The following CIRBP variants were observed in gnomAD, a reference collection of about 807,000 sequenced individuals.
CIRBP encodes cold-inducible RNA-binding protein.
CIRBP carries 11 observed loss-of-function variants against 22.3 expected under a neutral mutation model. That is an observed-to-expected ratio of 0.49 (90% CI 0.31 to 0.82). The LOEUF (loss-of-function observed/expected upper bound fraction) is 0.82, where lower values mean the gene tolerates loss of function less well. Ranked by LOEUF, CIRBP falls within the 40% of genes least tolerant of loss-of-function variation. The pLI, the probability that CIRBP is intolerant of heterozygous loss-of-function variation, is 0.05. For missense variants in CIRBP, 456 were observed against 402.7 expected (o/e 1.13, Z -1.13); for synonymous variants, 216 against 158.8 (o/e 1.36, Z -2.71).
At position 1,272,373 on chromosome 19, in the gene CIRBP, A is replaced by T; in HGVS notation, c.824A>T (p.Lys275Met). The change falls in exon 6 of 6, where the codon AAG becomes ATG. Residue 275 changes from lysine to methionine, a missense_variant. Coordinates refer to ENST00000587896, the MANE Select transcript of CIRBP (RefSeq NM_001300829.2). Reference sequence around the variant, plus strand: ...CGCCCTGGTCTGGCCTCTGGGGTGAAGCTGCCTCTTGTTGCTTCGGTGCCT... The same window carrying T: ...CGCCCTGGTCTGGCCTCTGGGGTGATGCTGCCTCTTGTTGCTTCGGTGCCT... ...RPRPGLASGVKLPLVASVPLH... is the reference protein window; with the variant it reads ...RPRPGLASGVMLPLVASVPLH... The T allele has an allele frequency of 6.2e-7, 1 of 1,604,900 alleles. No individual in the cohort carries two copies. The highest frequency in any genetic ancestry group is 8.5e-7 in the Non-Finnish European group (1 of 1,176,188).
rs756183259 is a variant in CIRBP, at chr19:1,271,420, G to A, written c.302G>A (p.Arg101Gln). Reference sequence around the variant, plus strand: ...TACCGTGGTGGCTCTGCCGGGGGCCGGGGCTTCTTCCGTGGGGGCCGAGGA... The same window carrying A: ...TACCGTGGTGGCTCTGCCGGGGGCCAGGGCTTCTTCCGTGGGGGCCGAGGA... The part of the protein sequence containing the change: ...RGYRGGSAGG[R>Q]GFFRGGRGRG... The change falls in exon 4 of 6, where the codon CGG (arginine) becomes CAG (glutamine). Residue 101 changes from arginine (R) to glutamine (Q), a missense_variant. This residue lies in a region of CIRBP where 426 missense variants were observed against 339.6 expected (regional missense o/e 1.25). Coordinates refer to ENST00000587896, the MANE Select transcript of CIRBP (RefSeq NM_001300829.2). 18 of 1,613,102 alleles carry A rather than the reference G, an allele frequency of 1.1e-5. No homozygotes were observed. The highest frequency in any genetic ancestry group is 1.4e-5 in the Non-Finnish European group (17 of 1,179,690).
chr19:1,270,084 TCTC>T lies in CIRBP; in HGVS notation c.-7+677_-7+679del, dbSNP rs557394984. The T allele has an allele frequency of 3.5e-3, 1,808 of 519,782 alleles. 4 individuals carry two copies. Among genetic ancestry groups the T allele is most frequent in the Non-Finnish European group, 5.8e-3 (1,495 of 259,782 alleles). The allele number at this position is 519,782 out of a possible 1,614,324, so 32.2% of individuals were successfully genotyped here. A position where few individuals can be genotyped will look rare whatever the true frequency, so the allele number is the denominator to read the frequency against. On this transcript the variant is annotated intron_variant, in intron 1 of 5. Coordinates refer to ENST00000587896, the MANE Select transcript of CIRBP (RefSeq NM_001300829.2). ...CTGACCGCCCCCTTAAATAGCCAGT[TCTC>T]CTAAATGCCACTTCCCCTGCCTGGA...
intron 5 of CIRBP, 60 bp from the exon 6 acceptor site, chr19:1,271,921 T>C (rs933349964): frequency 2.1e-6 from 3 of 1,457,678 alleles, no homozygotes; most frequent in Non-Finnish European, 2.8e-6. Flanking sequence ...GCTCAGCCTG[T>C]TGTGGCAGAG....
rs1227026955 is a variant in CIRBP, at chr19:1,274,288, C to T, written c.*1845C>T. The T allele has an allele frequency of 2.5e-6, 1 of 401,338 alleles. No individual in the cohort carries two copies. The highest frequency in any genetic ancestry group is 4.4e-6 in the Non-Finnish European group (1 of 226,454). The allele number at this position is 401,338 out of a possible 1,614,324, so 24.9% of individuals were successfully genotyped here. On this transcript the variant is annotated 3_prime_UTR_variant, in exon 6 of 6. Coordinates refer to ENST00000587896, the MANE Select transcript of CIRBP (RefSeq NM_001300829.2). ...GCCCTGTGGAGGACGTTGGGAGTAA[C>T]GCTGCTTTGCTTTGGCAGGTTGAAG...
rs865806463 is a variant in CIRBP, at chr19:1,269,887, C to T, written c.-7+477C>T. Reference sequence around the variant, plus strand: ...TGAGGGAAAGGACGGCCTCGTAAATCTTGGGTAGGCGTGGCCCGTTCTAGT... The same window carrying T: ...TGAGGGAAAGGACGGCCTCGTAAATTTTGGGTAGGCGTGGCCCGTTCTAGT... On this transcript the variant is annotated intron_variant, in intron 1 of 5. Transcript: ENST00000587896. 5.6e-5 allele frequency: 29 copies of T among 519,784 alleles called. 1 individual carries two copies. Among genetic ancestry groups the T allele is most frequent in the South Asian group, 3.5e-4 (25 of 71,574 alleles). The allele number at this position is 519,784 out of a possible 1,614,324, so 32.2% of individuals were successfully genotyped here.
At chr19:1,270,597 A>G (rs2081322779) in intron 1 of CIRBP, among the ~76,000 whole-genome samples, 3 of 151,950 alleles carry the variant, frequency 2.0e-5, no homozygotes, top group African/African-American at 4.8e-5. Flanking sequence ...GCAAGACCCC[A>G]TCTCTACTAA....
At chr19:1,270,293 C>T (rs935230091) in intron 1 of CIRBP, 12 of 363,014 alleles carry the variant, frequency 3.3e-5, no homozygotes, top group Non-Finnish European at 3.9e-5. Flanking sequence ...GGTCCAGCAA[C>T]AAGTAGATGT....
At chr19:1,271,910 G>A (rs972683691) in intron 5 of CIRBP, 71 bp from the exon 6 acceptor site, 11 of 1,368,174 alleles carry the variant, frequency 8.0e-6, no homozygotes, top group African/African-American at 7.1e-5. Context: ...GGGGGCTGGC[G>A]GCTCAGCCTG....
At position 1,272,145 on chromosome 19, in the gene CIRBP, T is replaced by C. The variant is rs1183886983; in HGVS notation, c.596T>C (p.Leu199Pro). ...TCTCCAAGCACTTTAGGCTGGACAC[T>C]CAGACCTTGTCACTGTGCTTGCCCA... ...VPSPSTLGWT[L>P]RPCHCACPEE... Residue 199 changes from leucine to proline, a missense_variant, in exon 6 of 6, where the codon CTC becomes CCC. Transcript: ENST00000587896. 1.9e-6 allele frequency: 3 copies of C among 1,611,754 alleles called. No homozygotes were observed. The South Asian group carries it at 3.3e-5, about 18-fold the overall frequency.
Position 1,271,168 on chromosome 19 carries a change from G to A in CIRBP, c.132G>A (p.Gln44=), listed in dbSNP as rs760768957. 6.2e-7 allele frequency: 1 copy of A among 1,613,988 alleles called. No individual in the cohort carries two copies. Among genetic ancestry groups the A allele is most frequent in the African/African-American group, 1.3e-5 (1 of 74,948 alleles). The part of the protein sequence containing the change: ...EVVVVKDRET[Q]RSRGFGFVTF... ...TGGTTGTGAAAGACAGGGAGACCCA[G>A]AGATCTCGGGGATTTGGGTTTGTCA... The change falls in exon 3 of 6, where the codon CAG becomes CAA. Residue 44 remains glutamine, a synonymous_variant. Transcript: ENST00000587896.
chr19:1,271,936 A>G, intron 5 of CIRBP, 45 bp from the exon 6 acceptor site: 3 of 1,540,206 alleles, frequency 1.9e-6, no homozygotes, highest in Non-Finnish European at 2.7e-6. Context: ...GCAGAGCAGA[A>G]GTAGACGGGT....
At position 1,274,245 on chromosome 19, in the gene CIRBP, C is replaced by T. The variant is rs142436314; in HGVS notation, c.*1802C>T. ...GGGCTGTGGCTGTTTCCGGGGAGGC[C>T]GGGAGGGGCAGCTGTGAGCCCTGTG... is the stretch of plus-strand genomic sequence containing the variant. On this transcript the variant is annotated 3_prime_UTR_variant, in exon 6 of 6. Transcript: ENST00000587896. 1,485 of 400,800 alleles carry T rather than the reference C, an allele frequency of 3.7e-3. 17 individuals are homozygous for T. The highest frequency in any genetic ancestry group is 0.028 in the African/African-American group (1,346 of 48,772). 24.8% of individuals were successfully genotyped at this position (400,800 alleles called of 1,614,324 possible). A position where few individuals can be genotyped will look rare whatever the true frequency, so the allele number is the denominator to read the frequency against.
At chr19:1,269,643 C>G (rs2081299205) in intron 1 of CIRBP, among the ~76,000 whole-genome samples, 1 of 151,894 alleles carries the variant, frequency 6.6e-6, no homozygotes, top group Non-Finnish European at 1.5e-5. Flanking sequence ...ATGGCGGCCG[C>G]GAGCTCGAGG....
chr19:1,274,554 C>A lies in CIRBP; in HGVS notation c.*2111C>A, dbSNP rs1286302113. The A allele has an allele frequency of 1.9e-5, 7 of 362,442 alleles. No homozygotes were observed. Among genetic ancestry groups the A allele is most frequent in the Non-Finnish European group, 3.4e-5 (7 of 203,528 alleles). The allele number at this position is 362,442 out of a possible 1,614,324, so 22.5% of individuals were successfully genotyped here. On this transcript the variant is annotated 3_prime_UTR_variant, in exon 6 of 6. Transcript: ENST00000587896. ...CTATGGCCCCATGGCGGGCGCCTTTCGGTGTGTGTTGGGTGCAGGGCAGCG... is the reference window on the plus strand; with the variant it reads ...CTATGGCCCCATGGCGGGCGCCTTTAGGTGTGTGTTGGGTGCAGGGCAGCG...
At chr19:1,271,075 G>T in intron 2 of CIRBP, 39 bp downstream of exon 2, 3 of 1,610,078 alleles carry the variant, frequency 1.9e-6, no homozygotes, top group Admixed American at 1.7e-5. Context: ...GGGCGGGGGG[G>T]CTTGTGCTCC....
rs2081392308 is a variant in CIRBP, at chr19:1,274,604, G to GCGCCTGTTCTCCCTCC, written c.*2162_*2163insGCCTGTTCTCCCTCCC. ...GCCTCCCGGGAGCGCCGGGTCCCCC[G>GCGCCTGTTCTCCCTCC]CCTGGAGCCCGCGCCTGTTCTCCCT... On this transcript the variant is annotated 3_prime_UTR_variant, in exon 6 of 6. Transcript: ENST00000587896. 3.4e-6 allele frequency: 1 copy of GCGCCTGTTCTCCCTCC among 295,356 alleles called. No individual in the cohort carries two copies. Among genetic ancestry groups the GCGCCTGTTCTCCCTCC allele is most frequent in the Non-Finnish European group, 6.2e-6 (1 of 160,614 alleles). 18.3% of individuals were successfully genotyped at this position (295,356 alleles called of 1,614,324 possible). A position where few individuals can be genotyped will look rare whatever the true frequency, so the allele number is the denominator to read the frequency against.
chr19:1,272,337 GC>G lies in CIRBP; in HGVS notation c.790del (p.Arg264AlafsTer11), dbSNP rs1245572587. 3 of 1,613,458 alleles carry G rather than the reference GC, an allele frequency of 1.9e-6. No homozygotes were observed. The African/African-American group carries it at 4.0e-5, about 22-fold the overall frequency. On this transcript the variant is annotated frameshift_variant, in exon 6 of 6. Transcript: ENST00000587896. LOFTEE classifies it high-confidence loss of function. ...GGCTGTGGGGGGTGGTTGCTCCCCG[GC>G]CGCAGGCCGCGCCCTGGTCTGGCCT... is the stretch of plus-strand genomic sequence containing the variant. ...SLGCGGWLLP[G>X]RRPRPGLASG... is the part of the protein sequence containing the mutation.
Position 1,274,265 on chromosome 19 carries a change from C to T in CIRBP, c.*1822C>T. ...GAGGCCGGGAGGGGCAGCTGTGAGC[C>T]CTGTGGAGGACGTTGGGAGTAACGC... On this transcript the variant is annotated 3_prime_UTR_variant, in exon 6 of 6. Coordinates refer to ENST00000587896, the MANE Select transcript of CIRBP (RefSeq NM_001300829.2). 1 of 401,102 alleles carries T rather than the reference C, an allele frequency of 2.5e-6. No homozygotes were observed. Among genetic ancestry groups the T allele is most frequent in the South Asian group, 1.3e-4 (1 of 7,966 alleles). 24.8% of individuals were successfully genotyped at this position (401,102 alleles called of 1,614,324 possible). A position where few individuals can be genotyped will look rare whatever the true frequency, so the allele number is the denominator to read the frequency against.
At chr19:1,270,001 C>G (rs765832845) in intron 1 of CIRBP, 1 of 519,880 alleles carries the variant, frequency 1.9e-6, no homozygotes, top group Non-Finnish European at 3.8e-6. Context: ...AAGTCTAGTT[C>G]TCAGAGCCAC....
Sources: allele counts gnomAD v4.1 joint callset (sites outside exome capture counted in the v4.1 genomes callset), GRCh38; gene constraint gnomAD v4.1.1; regional missense constraint gnomAD v4.1.1; transcripts MANE v1.5; gene names NCBI Gene and HGNC (gene_info 2026-07-23, HGNC 2026-07-21).